Variants in STK3 observed in about 807,000 individuals in gnomAD.
STK3 encodes the protein serine/threonine kinase 3.
A neutral mutation model predicts 58.0 loss-of-function variants in STK3; 41 were observed. That is an observed-to-expected ratio of 0.71 (90% CI 0.55 to 0.92). The LOEUF is 0.92. Ranked by LOEUF, STK3 falls within the 40% of genes least tolerant of loss-of-function variation. The pLI is 0.00. For synonymous variants in STK3, 170 were observed against 191.0 expected, an observed-to-expected ratio of 0.89 and a Z score of 0.91; for missense variants, 479 against 602.7, an observed-to-expected ratio of 0.79 and a Z score of 2.15.
intron 3 of STK3, among the ~76,000 whole-genome samples, chr8:98,859,615 C>T (rs959305913): frequency 2.0e-5 from 3 of 152,198 alleles, no homozygotes; most frequent in Admixed American, 6.5e-5. Flanking sequence ...CCATGAACAA[C>T]ATAGCTCTTA....
Position 98,778,957 on chromosome 8 carries a change from C to A in STK3, c.27-4138G>T, listed in dbSNP as rs577431455. 6 of 152,008 alleles carry A rather than the reference C, an allele frequency of 3.9e-5. No homozygotes were observed. The South Asian group carries it at 1.2e-3, about 32-fold the overall frequency. The allele number at this position is 152,008 out of a possible 1,614,324, so 9.4% of individuals were successfully genotyped here. A position where few individuals can be genotyped will look rare whatever the true frequency, so the allele number is the denominator to read the frequency against. ...ATGACGAGTTAATGGGTGCAGCACA[C>A]CAACATGGCACATGTATACATATGT... is the stretch of plus-strand genomic sequence containing the variant. On this transcript the variant is annotated intron_variant, in intron 1 of 10. Coordinates refer to ENST00000419617, the MANE Select transcript of STK3 (RefSeq NM_006281.4).
intron 6 of STK3, among the ~76,000 whole-genome samples, chr8:98,701,343 T>C (rs4602858): frequency 0.083 from 12,626 of 152,144 alleles, 583 homozygotes; most frequent in South Asian, 0.11. Flanking sequence ...TAAGGCTGAG[T>C]GCACTGGCTT....
intron 3 of STK3, among the ~76,000 whole-genome samples, chr8:98,874,034 C>T (rs751289618): frequency 6.6e-6 from 1 of 152,110 alleles, no homozygotes; most frequent in Admixed American, 6.5e-5. Context: ...GTAAGGCAGG[C>T]CTGGTGGTGA....
chr8:98,785,534 G>A (rs1056380521), intron 1 of STK3, among the ~76,000 whole-genome samples: 1 of 152,114 alleles, frequency 6.6e-6, no homozygotes. Flanking sequence ...GCCCAGTCCA[G>A]CCCTGCATAT....
At chr8:98,435,067 A>G (rs886815170) in intron 2 of STK3, among the ~76,000 whole-genome samples, 3 of 152,204 alleles carry the variant, frequency 2.0e-5, no homozygotes, top group Non-Finnish European at 4.4e-5. Flanking sequence ...GGGCTCCACA[A>G]TCTGGTAGAA....
At chr8:98,911,852 C>T (rs929872512) in intron 1 of STK3, among the ~76,000 whole-genome samples, 4 of 144,856 alleles carry the variant, frequency 2.8e-5, no homozygotes, top group Non-Finnish European at 6.1e-5. Flanking sequence ...AAAAATAAAG[C>T]TTATTCCTAA....
chr8:98,422,684 G>C (rs1401770317), intron 3 of STK3, among the ~76,000 whole-genome samples: 1 of 152,192 alleles, frequency 6.6e-6, no homozygotes, highest in Non-Finnish European at 1.5e-5. Flanking sequence ...TCCCACCGCA[G>C]GCAGGCCCTG....
chr8:98,840,591 A>C (rs1465002405), intron 3 of STK3, among the ~76,000 whole-genome samples: 1 of 46,672 alleles, frequency 2.1e-5, no homozygotes. Flanking sequence ...ATGTATATAT[A>C]TATATATATA....
chr8:98,922,949 T>G (rs1839626689), intron 1 of STK3, among the ~76,000 whole-genome samples: 1 of 152,258 alleles, frequency 6.6e-6, no homozygotes, highest in South Asian at 2.1e-4. Context: ...GAAACTATTT[T>G]TTCTTCTTTG....
intron 2 of STK3, among the ~76,000 whole-genome samples, chr8:98,376,860 C>T (rs1457057122): frequency 6.6e-6 from 1 of 152,204 alleles, no homozygotes; most frequent in Non-Finnish European, 1.5e-5. Flanking sequence ...TTAAATGTCT[C>T]ATAACACCAT....
intron 3 of STK3, among the ~76,000 whole-genome samples, chr8:98,414,210 GC>G (rs1413554201): frequency 1.3e-5 from 2 of 152,170 alleles, no homozygotes; most frequent in Admixed American, 6.5e-5. Flanking sequence ...GTTGCAGTGA[GC>G]CAAGATCGTG....
chr8:98,690,459 A>AC (rs1157173581), intron 6 of STK3, among the ~76,000 whole-genome samples: 2 of 151,706 alleles, frequency 1.3e-5, no homozygotes, highest in African/African-American at 4.8e-5. Flanking sequence ...CAAAAAAAAA[A>AC]AAAAAACAAC....
intron 10 of STK3, among the ~76,000 whole-genome samples, chr8:98,477,956 T>G (rs1159170008): frequency 6.6e-6 from 1 of 152,024 alleles, no homozygotes; most frequent in African/African-American, 2.4e-5. Flanking sequence ...CCCAAATAAA[T>G]CACCCCTGGT....
At chr8:98,842,826 C>G (rs1052877921) in intron 3 of STK3, among the ~76,000 whole-genome samples, 1 of 151,998 alleles carries the variant, frequency 6.6e-6, no homozygotes, top group Non-Finnish European at 1.5e-5. Context: ...CATGGTGAAA[C>G]CTCCCTGTCT....
At chr8:98,427,336 G>C (rs997945170) in intron 3 of STK3, 15 of 151,600 alleles carry the variant, frequency 9.9e-5, no homozygotes, top group Non-Finnish European at 5.9e-5. Flanking sequence ...CCAGGTAAGC[G>C]CTTCCAGAAC....
chr8:98,455,680 A>AT lies in STK3; in HGVS notation c.*161dup. 2 of 750,242 alleles carry AT rather than the reference A, an allele frequency of 2.7e-6. No individual in the cohort carries two copies. The highest frequency in any genetic ancestry group is 4.3e-6 in the Non-Finnish European group (2 of 470,550). 46.5% of individuals were successfully genotyped at this position (750,242 alleles called of 1,614,324 possible). On this transcript the variant is annotated 3_prime_UTR_variant, in exon 11 of 11. Transcript: ENST00000419617. ...GAATGCACAGCAGATACAACTGTCA[A>AT]TTCTGCCTTTTGGGAATTTACCTGG... is the stretch of plus-strand genomic sequence containing the variant.
chr8:98,658,569 T>C (rs983150246), intron 6 of STK3, among the ~76,000 whole-genome samples: 6 of 152,034 alleles, frequency 3.9e-5, no homozygotes, highest in African/African-American at 1.4e-4. Flanking sequence ...TCCTGTTAAC[T>C]ACCTCATTTT....
chr8:98,609,030 A>T (rs1816976284), intron 6 of STK3, among the ~76,000 whole-genome samples: 1 of 152,204 alleles, frequency 6.6e-6, no homozygotes, highest in South Asian at 2.1e-4. Flanking sequence ...TTCGAATAAT[A>T]AATGCTGCTC....
intron 6 of STK3, among the ~76,000 whole-genome samples, chr8:98,612,070 AT>A (rs920634415): frequency 2.7e-5 from 4 of 149,240 alleles, no homozygotes; most frequent in African/African-American, 7.3e-5. Flanking sequence ...TATAATAGAC[AT>A]TTATATAAAT....
Sources: allele counts gnomAD v4.1 joint callset (sites outside exome capture counted in the v4.1 genomes callset), GRCh38; gene constraint gnomAD v4.1.1; transcripts MANE v1.5; gene names NCBI Gene and HGNC (gene_info 2026-07-23, HGNC 2026-07-21).